PCLO: variants seen among roughly 807,000 people sequenced by gnomAD.
PCLO encodes piccolo presynaptic cytomatrix protein, also known as protein piccolo.
A neutral mutation model predicts 427.5 loss-of-function variants in PCLO; 82 were observed. The observed-to-expected ratio is 0.19, with a 90% confidence interval of 0.16 to 0.23. PCLO has a LOEUF of 0.23. PCLO is among the 10% of genes least tolerant of loss of function. The pLI is 1.00. For missense variants in PCLO, 6,239 were observed against 6,115.9 expected (o/e 1.02, Z -0.67); for synonymous variants, 2,357 against 2,155.4 (o/e 1.09, Z -2.59).
chr7:83,014,412 G>A (rs553646445), intron 3 of PCLO, among the ~76,000 whole-genome samples: 9 of 151,980 alleles, frequency 5.9e-5, no homozygotes, highest in Non-Finnish European at 8.8e-5. Context: ...TTCCCCTCTC[G>A]AATGCTGAGA....
intron 3 of PCLO, among the ~76,000 whole-genome samples, chr7:83,128,808 C>T (rs375900252): frequency 2.0e-5 from 3 of 152,042 alleles, no homozygotes; most frequent in East Asian, 1.9e-4. Flanking sequence ...AACATTGAAC[C>T]ATATACTTTC....
Position 82,947,974 on chromosome 7 carries a change from C to T in PCLO, c.11112+1502G>A, listed in dbSNP as rs147302584. Reference sequence around the variant, plus strand: ...AATAGTCAATATTCCACCTGGAAAGCCTGTTCTTTCTAATAACAGAAGTCT... The same window carrying T: ...AATAGTCAATATTCCACCTGGAAAGTCTGTTCTTTCTAATAACAGAAGTCT... On this transcript the variant is annotated intron_variant, in intron 6 of 24. Coordinates refer to ENST00000333891, the MANE Select transcript of PCLO (RefSeq NM_033026.6). 5.8e-3 allele frequency among the ~76,000 whole-genome samples: 876 copies of T among 152,196 alleles called. 7 individuals carry two copies. Among genetic ancestry groups the T allele is most frequent in the South Asian group, 0.018 (86 of 4,826 alleles).
In PCLO at chr7:83,097,124, T is replaced by TATTATAC. The variant is rs1168174187; in HGVS notation, c.3300+37119_3300+37125dup. Among the ~76,000 whole-genome samples the TATTATAC allele has an allele frequency of 4.6e-4, 39 of 84,272 alleles. 2 individuals carry two copies. Among genetic ancestry groups the TATTATAC allele is most frequent in the Middle Eastern group, 5.2e-3 (1 of 192 alleles). 55.3% of individuals were successfully genotyped at this position (84,272 alleles called of 152,430 possible). ...ATATATATTATATATTATATAAATA[T>TATTATAC]ATTATACATTATACATTATATAAAT... On this transcript the variant is annotated intron_variant, in intron 3 of 24. Coordinates refer to ENST00000333891, the MANE Select transcript of PCLO (RefSeq NM_033026.6).
chr7:83,085,741 C>A (rs1790215232), intron 3 of PCLO, among the ~76,000 whole-genome samples: 1 of 152,076 alleles, frequency 6.6e-6, no homozygotes, highest in Non-Finnish European at 1.5e-5. Context: ...TAAAAAAACA[C>A]ATTAATCCAA....
intron 2 of PCLO, among the ~76,000 whole-genome samples, chr7:83,149,127 T>C (rs1037610606): frequency 1.3e-5 from 2 of 152,194 alleles, no homozygotes; most frequent in Non-Finnish European, 2.9e-5. Flanking sequence ...GATTAATCTC[T>C]GGCTTTAGCC....
At chr7:83,035,075 G>A (rs2116167625) in intron 3 of PCLO, among the ~76,000 whole-genome samples, 1 of 152,274 alleles carries the variant, frequency 6.6e-6, no homozygotes, top group South Asian at 2.1e-4. Flanking sequence ...TGCTCTGGCA[G>A]CAAGTCTTTA....
At chr7:82,923,302 T>C (rs959831451) in intron 6 of PCLO, among the ~76,000 whole-genome samples, 1 of 152,032 alleles carries the variant, frequency 6.6e-6, no homozygotes, top group African/African-American at 2.4e-5. Flanking sequence ...CATTTTGGGC[T>C]AGTGATGCCT....
chr7:82,777,434 A>T (rs1790778094), intron 22 of PCLO, among the ~76,000 whole-genome samples: 1 of 152,184 alleles, frequency 6.6e-6, no homozygotes, highest in African/African-American at 2.4e-5. Flanking sequence ...AAAAAAGAGC[A>T]TCAATACTCA....
rs752323239 is a variant in PCLO, at chr7:82,956,402, A to T, written c.4551T>A (p.Ser1517Arg). ...GTGGAACAGGTGAGTTTTCACTTTC[A>T]CTACTCTCTTCAACTGAATCATAAG... ...REPYDSVEES[S>R]ESENSPVPQR... The change falls in exon 5 of 25, where the codon AGT (serine) becomes AGA (arginine). Residue 1517 changes from serine (S) to arginine (R), a missense_variant. Physicochemically the swap from Ser to Arg is moderately radical, Grantham distance 110 (BLOSUM62 -1). Around this residue, in one of 5 missense-constraint regions of PCLO, gnomAD observed 4,677 missense variants for 4,468.4 expected, o/e 1.05. Transcript: ENST00000333891. 6.2e-7 allele frequency: 1 copy of T among 1,613,636 alleles called. No individual in the cohort carries two copies. Among genetic ancestry groups the T allele is most frequent in the Non-Finnish European group, 8.5e-7 (1 of 1,179,842 alleles).
In PCLO at chr7:83,069,799, C is replaced by CACACACACACA. The variant is rs1554390633; in HGVS notation, c.3300+64450_3300+64451insTGTGTGTGTGT. 1.5e-3 allele frequency among the ~76,000 whole-genome samples: 110 copies of CACACACACACA among 75,512 alleles called. 7 individuals are homozygous for CACACACACACA. The highest frequency in any genetic ancestry group is 5.5e-3 in the African/African-American group (98 of 17,734). The allele number at this position is 75,512 out of a possible 152,430, so 49.5% of individuals were successfully genotyped here. A position where few individuals can be genotyped will look rare whatever the true frequency, so the allele number is the denominator to read the frequency against. On this transcript the variant is annotated intron_variant, in intron 3 of 24. Transcript: ENST00000333891. ...CACCTCCCCCACCCCACCCCCCCGC[C>CACACACACACA]CACACACACACACACACACACACAC... is the stretch of plus-strand genomic sequence containing the variant.
At chr7:83,111,791 A>C (rs1791008923) in intron 3 of PCLO, among the ~76,000 whole-genome samples, 1 of 152,250 alleles carries the variant, frequency 6.6e-6, no homozygotes, top group African/African-American at 2.4e-5. Context: ...ACATAGCAAT[A>C]TAAAATTAAC....
At chr7:82,819,849 C>T (rs58335027) in intron 20 of PCLO, among the ~76,000 whole-genome samples, 5,277 of 151,956 alleles carry the variant, frequency 0.035, 317 homozygotes, top group African/African-American at 0.12. Context: ...TAATTTTGTG[C>T]CAAATATAGA....
intron 3 of PCLO, among the ~76,000 whole-genome samples, chr7:83,052,503 T>C (rs1453925938): frequency 1.3e-5 from 2 of 152,032 alleles, no homozygotes; most frequent in Non-Finnish European, 2.9e-5. Context: ...GTCCTATTAA[T>C]TGGATAATAT....
At chr7:82,884,097 A>T (rs924015217) in intron 9 of PCLO, among the ~76,000 whole-genome samples, 1 of 152,148 alleles carries the variant, frequency 6.6e-6, no homozygotes, top group African/African-American at 2.4e-5. Flanking sequence ...TATATCCTTT[A>T]TGTACATGAA....
chr7:82,835,659 A>T lies in PCLO; in HGVS notation c.14249+8T>A. The T allele has an allele frequency of 6.2e-7, 1 of 1,608,122 alleles. No homozygotes were observed. Among genetic ancestry groups the T allele is most frequent in the South Asian group, 1.1e-5 (1 of 89,706 alleles). On this transcript the variant is annotated splice_region_variant and intron_variant, in intron 16 of 24. Coordinates refer to ENST00000333891, the MANE Select transcript of PCLO (RefSeq NM_033026.6). ...CAGAGCTTGACACTGAAAGAGAAAC[A>T]ACTCTACCTTGCATTCTGGACAACC...
chr7:82,792,879 C>T (rs961689196), intron 22 of PCLO, among the ~76,000 whole-genome samples: 32 of 152,030 alleles, frequency 2.1e-4, no homozygotes, highest in African/African-American at 6.5e-4. Flanking sequence ...TCATATATTA[C>T]GATCTTGGTT....
intron 3 of PCLO, among the ~76,000 whole-genome samples, chr7:82,989,477 A>G (rs1476596536): frequency 6.6e-6 from 1 of 152,114 alleles, no homozygotes; most frequent in Non-Finnish European, 1.5e-5. Context: ...AATTGATTCA[A>G]ATTAATATAT....
chr7:83,106,767 G>A (rs1368696714), intron 3 of PCLO, among the ~76,000 whole-genome samples: 2 of 152,094 alleles, frequency 1.3e-5, no homozygotes, highest in African/African-American at 4.8e-5. Context: ...ATTCCCAGAA[G>A]TATGTCTCAA....
intron 3 of PCLO, among the ~76,000 whole-genome samples, chr7:83,097,339 G>T (rs56209330): frequency 0.45 from 60,026 of 134,210 alleles, 14,500 homozygotes; most frequent in East Asian, 0.72. Context: ...TGGCTAAAAC[G>T]ATGAAACCCC....
Sources: allele counts gnomAD v4.1 joint callset (sites outside exome capture counted in the v4.1 genomes callset), GRCh38; gene constraint gnomAD v4.1.1; regional missense constraint gnomAD v4.1.1; transcripts MANE v1.5; gene names NCBI Gene and HGNC (gene_info 2026-07-23, HGNC 2026-07-21).